DOCK8: variants seen among roughly 807,000 people sequenced by gnomAD.
DOCK8 encodes dedicator of cytokinesis protein 8.
DOCK8 carries 141 observed loss-of-function variants against 245.6 expected under a neutral mutation model. The observed-to-expected ratio is 0.57, with a 90% confidence interval of 0.50 to 0.66. DOCK8 has a LOEUF of 0.66. Ranked by LOEUF, DOCK8 falls within the 30% of genes least tolerant of loss-of-function variation. The pLI is 0.00. For missense variants in DOCK8, 2,965 were observed against 2,603.4 expected, an observed-to-expected ratio of 1.14 and a Z score of -3.02; for synonymous variants, 1,168 against 970.2, an observed-to-expected ratio of 1.20 and a Z score of -3.79.
intron 26 of DOCK8, 71 bp downstream of exon 26, chr9:399,330 G>A: frequency 8.9e-7 from 1 of 1,124,656 alleles, no homozygotes; most frequent in Non-Finnish European, 1.3e-6. Flanking sequence ...GATGTTCGTT[G>A]CCATGGCACG....
chr9:421,471 A>G (rs900885173), intron 32 of DOCK8, among the ~76,000 whole-genome samples: 1 of 152,188 alleles, frequency 6.6e-6, no homozygotes, highest in African/African-American at 2.4e-5. Flanking sequence ...CCCCAAGATC[A>G]TCTTCTCGAT....
chr9:420,670 TG>T, intron 31 of DOCK8, 87 bp downstream of exon 31: 1 of 1,520,864 alleles, frequency 6.6e-7, no homozygotes, highest in Non-Finnish European at 9.1e-7. Context: ...GTTTGGGCCA[TG>T]GAGGCATCAT....
chr9:374,014 A>G (rs576058561), intron 18 of DOCK8, among the ~76,000 whole-genome samples: 3 of 152,318 alleles, frequency 2.0e-5, no homozygotes, highest in African/African-American at 7.2e-5. Context: ...AGCTGTGTGA[A>G]TGTTGGTGAG....
chr9:400,926 CCACAA>C (rs1564016415), intron 26 of DOCK8, among the ~76,000 whole-genome samples: 3 of 62,362 alleles, frequency 4.8e-5, no homozygotes, highest in East Asian at 3.5e-4. Context: ...TTCACCATCA[CCACAA>C]CATCCACCAC....
intron 14 of DOCK8, among the ~76,000 whole-genome samples, chr9:357,582 A>C (rs1362522368): frequency 6.8e-6 from 1 of 146,480 alleles, no homozygotes; most frequent in Non-Finnish European, 1.5e-5. Flanking sequence ...AAACAATTTG[A>C]TACCATTTTT....
chr9:439,578 C>T (rs1179954335), intron 40 of DOCK8, among the ~76,000 whole-genome samples, 190 bp downstream of exon 40: 1 of 152,198 alleles, frequency 6.6e-6, no homozygotes, highest in Non-Finnish European at 1.5e-5. Context: ...CCCAAGGGAG[C>T]TGAGATAACC....
chr9:293,979 G>A (rs1206612915), intron 4 of DOCK8, among the ~76,000 whole-genome samples: 4 of 152,108 alleles, frequency 2.6e-5, no homozygotes, highest in Admixed American at 6.6e-5. Context: ...TCTTCACTGC[G>A]TAAAGCCCAG....
intron 1 of DOCK8, among the ~76,000 whole-genome samples, chr9:227,067 G>A (rs2047005909): frequency 1.3e-5 from 2 of 152,164 alleles, no homozygotes; most frequent in South Asian, 2.1e-4. Flanking sequence ...GTTATCTCTG[G>A]GTAGTAGAAT....
chr9:253,299 T>C (rs1282876374), intron 1 of DOCK8, among the ~76,000 whole-genome samples: 3 of 152,202 alleles, frequency 2.0e-5, no homozygotes, highest in Non-Finnish European at 2.9e-5. Context: ...ACACTTCCTA[T>C]GTGCTTTAAG....
At chr9:448,062 C>T (rs890138240) in intron 44 of DOCK8, among the ~76,000 whole-genome samples, 3 of 151,952 alleles carry the variant, frequency 2.0e-5, no homozygotes, top group African/African-American at 4.8e-5. Flanking sequence ...CCTTTCCTTT[C>T]GTTCTTCCTT....
intron 22 of DOCK8, 60 bp from the exon 23 acceptor site, chr9:386,271 G>C (rs1257177512): frequency 3.5e-6 from 5 of 1,445,516 alleles, no homozygotes; most frequent in African/African-American, 2.8e-5. Context: ...GTGATTTCCA[G>C]ATGTCTGGCT....
At chr9:391,891 C>CACT (rs962157919) in intron 24 of DOCK8, among the ~76,000 whole-genome samples, 3 of 144,248 alleles carry the variant, frequency 2.1e-5, no homozygotes, top group Non-Finnish European at 4.5e-5. Context: ...GTAATCCTAG[C>CACT]ACTTTGGGAG....
intron 14 of DOCK8, among the ~76,000 whole-genome samples, chr9:362,948 G>T (rs1281989533): frequency 6.6e-6 from 1 of 152,204 alleles, no homozygotes; most frequent in Non-Finnish European, 1.5e-5. Context: ...GATGGTAAGA[G>T]CAGAGTGTTT....
At chr9:418,903 A>G (rs2056152289) in intron 30 of DOCK8, among the ~76,000 whole-genome samples, 1 of 152,084 alleles carries the variant, frequency 6.6e-6, no homozygotes, top group South Asian at 2.1e-4. Context: ...AAAAGACTGA[A>G]GGAGGCTGGT....
At chr9:388,968 A>G (rs1296404162) in intron 23 of DOCK8, among the ~76,000 whole-genome samples, 1 of 152,236 alleles carries the variant, frequency 6.6e-6, no homozygotes. Flanking sequence ...TAGGGTGTTC[A>G]AATAGCTTTA....
At chr9:315,098 GAAA>G (rs1352149699) in intron 6 of DOCK8, among the ~76,000 whole-genome samples, 1 of 152,148 alleles carries the variant, frequency 6.6e-6, no homozygotes, top group East Asian at 1.9e-4. Context: ...AACCAATTCA[GAAA>G]AAAAGGCTAG....
chr9:213,687 T>C (rs145530438), upstream of DOCK8: 2 of 151,838 alleles, frequency 1.3e-5, no homozygotes, highest in African/African-American at 4.8e-5. Flanking sequence ...GTGGCTATCA[T>C]ATTAAATAGT....
intron 33 of DOCK8, among the ~76,000 whole-genome samples, chr9:425,485 TTG>T (rs2056455327): frequency 1.4e-5 from 2 of 147,576 alleles, no homozygotes; most frequent in African/African-American, 2.6e-5. Context: ...TGAGCCAAGA[TTG>T]CGCCACTGCA....
At chr9:457,217 G>A (rs1350088530) in intron 46 of DOCK8, among the ~76,000 whole-genome samples, 1 of 152,154 alleles carries the variant, frequency 6.6e-6, no homozygotes, top group African/African-American at 2.4e-5. Flanking sequence ...GTGGCGTTGG[G>A]GTTGGGAATA....
Sources: gnomAD v4.1 joint callset for allele counts (sites outside exome capture counted in the v4.1 genomes callset) on GRCh38, gnomAD v4.1.1 for gene constraint, MANE v1.5 for transcripts, NCBI Gene and HGNC (gene_info 2026-07-23, HGNC 2026-07-21) for gene names.